Variants in NCALD observed in about 807,000 individuals in gnomAD.
NCALD encodes the protein neurocalcin-delta.
NCALD carries 10 observed loss-of-function variants against 18.6 expected under a neutral mutation model. The ratio of observed to expected loss-of-function variants is 0.54; its 90% CI spans 0.33 to 0.91. The LOEUF (loss-of-function observed/expected upper bound fraction) is 0.91, where lower values mean the gene tolerates loss of function less well. Among genes scored for constraint, NCALD ranks in the 40% least tolerant of loss-of-function variants. NCALD has a pLI of 0.03. For missense variants in NCALD, 184 were observed against 247.6 expected (o/e 0.74, Z 1.72); for synonymous variants, 88 against 87.4 (o/e 1.01, Z -0.04).
intron 2 of NCALD, among the ~76,000 whole-genome samples, chr8:101,708,288 G>A (rs1309832832): frequency 6.6e-6 from 1 of 152,158 alleles, no homozygotes; most frequent in South Asian, 2.1e-4. Flanking sequence ...GATCTCTGCC[G>A]GTAAAGACAG....
intron 2 of NCALD, among the ~76,000 whole-genome samples, chr8:101,931,350 T>A (rs977826110): frequency 6.6e-6 from 1 of 152,208 alleles, no homozygotes; most frequent in African/African-American, 2.4e-5. Flanking sequence ...TTCACAAGGC[T>A]GGTGAGGACA....
chr8:102,093,694 G>A (rs1436660318), intron 1 of NCALD, among the ~76,000 whole-genome samples: 1 of 152,168 alleles, frequency 6.6e-6, no homozygotes, highest in Non-Finnish European at 1.5e-5. Context: ...AAATGGAACA[G>A]AAAACCACAA....
At chr8:102,114,799 G>A (rs1290092280) in intron 1 of NCALD, among the ~76,000 whole-genome samples, 1 of 152,234 alleles carries the variant, frequency 6.6e-6, no homozygotes, top group Non-Finnish European at 1.5e-5. Flanking sequence ...ACAGAGCCAG[G>A]TGGAGAAGGG....
At chr8:102,051,688 G>C (rs1459468666) in intron 1 of NCALD, among the ~76,000 whole-genome samples, 1 of 152,124 alleles carries the variant, frequency 6.6e-6, no homozygotes, top group Non-Finnish European at 1.5e-5. Context: ...GCTGACATTT[G>C]CGTTATTCAG....
intron 1 of NCALD, among the ~76,000 whole-genome samples, chr8:102,054,346 A>C (rs1187806174): frequency 6.6e-6 from 1 of 152,124 alleles, no homozygotes; most frequent in African/African-American, 2.4e-5. Context: ...TAAATCCGTA[A>C]ATTAGAGTAA....
intron 1 of NCALD, among the ~76,000 whole-genome samples, chr8:102,026,362 T>A (rs1236666281): frequency 6.6e-6 from 1 of 152,196 alleles, no homozygotes; most frequent in South Asian, 2.1e-4. Context: ...CTAGATACAA[T>A]AGAGGTACAG....
intron 2 of NCALD, among the ~76,000 whole-genome samples, chr8:101,929,932 G>A (rs1055370822): frequency 1.1e-4 from 17 of 152,002 alleles, no homozygotes; most frequent in African/African-American, 3.6e-4. Flanking sequence ...ATGGGTGCCT[G>A]TAATCCCAAC....
chr8:101,814,721 T>A (rs1286738983), intron 4 of NCALD, among the ~76,000 whole-genome samples: 2 of 151,880 alleles, frequency 1.3e-5, no homozygotes, highest in Admixed American at 1.3e-4. Context: ...GCCAAAAGAA[T>A]CAAAAAACTC....
At chr8:101,840,514 T>A (rs1814601319) in intron 4 of NCALD, among the ~76,000 whole-genome samples, 1 of 152,212 alleles carries the variant, frequency 6.6e-6, no homozygotes, top group Non-Finnish European at 1.5e-5. Context: ...CATGAAAACT[T>A]GGAACCAATA....
At chr8:101,930,123 A>T (rs1276927943) in intron 2 of NCALD, among the ~76,000 whole-genome samples, 1 of 152,194 alleles carries the variant, frequency 6.6e-6, no homozygotes, top group Non-Finnish European at 1.5e-5. Context: ...AGTATTTTTT[A>T]AAATGAGAAA....
At chr8:101,833,342 C>T (rs1023644403) in intron 4 of NCALD, among the ~76,000 whole-genome samples, 1 of 152,108 alleles carries the variant, frequency 6.6e-6, no homozygotes, top group African/African-American at 2.4e-5. Flanking sequence ...GATGACTTCC[C>T]AAGAAACTTT....
chr8:101,732,683 A>C (rs1225607092), intron 1 of NCALD, among the ~76,000 whole-genome samples: 1 of 132,340 alleles, frequency 7.6e-6, no homozygotes, highest in Non-Finnish European at 1.5e-5. Flanking sequence ...AGCTCACTGC[A>C]ACCTCTGCCT....
chr8:101,885,656 T>C (rs1363790604), intron 4 of NCALD, among the ~76,000 whole-genome samples: 1 of 152,208 alleles, frequency 6.6e-6, no homozygotes, highest in Non-Finnish European at 1.5e-5. Flanking sequence ...AGATGAAGTC[T>C]AGCTTATTTG....
At chr8:101,727,097 A>G (rs1816606354) in intron 1 of NCALD, among the ~76,000 whole-genome samples, 1 of 152,178 alleles carries the variant, frequency 6.6e-6, no homozygotes, top group African/African-American at 2.4e-5. Context: ...CGAAACAAGT[A>G]AGAATTGGAG....
chr8:101,886,073 G>T (rs537596049), intron 4 of NCALD, among the ~76,000 whole-genome samples: 161 of 152,172 alleles, frequency 1.1e-3, no homozygotes, highest in African/African-American at 3.8e-3. Flanking sequence ...AGTTCTCAAT[G>T]CCATGAGGGA....
chr8:102,096,369 G>A (rs139724775), intron 1 of NCALD, among the ~76,000 whole-genome samples: 1 of 152,306 alleles, frequency 6.6e-6, no homozygotes, highest in Non-Finnish European at 1.5e-5. Flanking sequence ...TTGGATCAGG[G>A]CCCACCAGGA....
intron 2 of NCALD, among the ~76,000 whole-genome samples, chr8:101,928,665 T>C (rs1181346498): frequency 6.6e-6 from 1 of 151,736 alleles, no homozygotes; most frequent in African/African-American, 2.4e-5. Flanking sequence ...CTTTCAGGAG[T>C]TTTTTCCTTT....
chr8:101,689,212 CA>C lies in NCALD; in HGVS notation c.*96del, dbSNP rs1435440200. The C allele has an allele frequency of 8.9e-7, 1 of 1,121,378 alleles. No individual in the cohort carries two copies. The highest frequency in any genetic ancestry group is 1.6e-5 in the African/African-American group (1 of 63,056). 69.5% of individuals were successfully genotyped at this position (1,121,378 alleles called of 1,614,324 possible). A position where few individuals can be genotyped will look rare whatever the true frequency, so the allele number is the denominator to read the frequency against. On this transcript the variant is annotated 3_prime_UTR_variant, in exon 4 of 4. Coordinates refer to ENST00000220931, the MANE Select transcript of NCALD (RefSeq NM_032041.3). The surrounding 1 kb of genome is among the most constrained non-coding windows in gnomAD (Gnocchi z 4.4). ...CAGACCGCACAGGGGACGGCATCACCATTGATATTGTTTGGCAAAAAAAAAA... is the reference window on the plus strand; with the variant it reads ...CAGACCGCACAGGGGACGGCATCACCTTGATATTGTTTGGCAAAAAAAAAA...
In NCALD at chr8:102,079,065, T is replaced by C. The variant is rs147658216; in HGVS notation, c.-210+45172A>G. 5.1e-3 allele frequency among the ~76,000 whole-genome samples: 776 copies of C among 152,228 alleles called. 6 individuals are homozygous for C. Among genetic ancestry groups the C allele is most frequent in the African/African-American group, 0.018 (734 of 41,552 alleles). ...AGATACAGAGAAGCCAGAAAACTCCTGCCACTGGAGACCACCGCTTCATTT... is the reference window on the plus strand; with the variant it reads ...AGATACAGAGAAGCCAGAAAACTCCCGCCACTGGAGACCACCGCTTCATTT... On this transcript the variant is annotated intron_variant, in intron 1 of 6. Transcript: ENST00000311028.
Sources: allele counts gnomAD v4.1 joint callset (sites outside exome capture counted in the v4.1 genomes callset), GRCh38; gene constraint gnomAD v4.1.1; non-coding constraint Gnocchi (gnomAD v3.1); transcripts MANE v1.5; gene names NCBI Gene and HGNC (gene_info 2026-07-23, HGNC 2026-07-21).